The following PARPBP variants were observed in gnomAD, a reference collection of about 807,000 sequenced individuals.
PARPBP encodes the protein PARP1 binding protein, also known as PCNA-interacting partner.
Under a neutral mutation model 50.0 loss-of-function variants are expected in PARPBP, and 52 were observed. The observed-to-expected ratio is 1.04, with a 90% CI of 0.83 to 1.31. PARPBP has a LOEUF of 1.31. PARPBP is among the 50% of genes most tolerant of loss of function. PARPBP has a pLI of 0.00. For missense variants in PARPBP, 697 were observed against 672.0 expected (o/e 1.04, Z -0.41); for synonymous variants, 244 against 232.1 (o/e 1.05, Z -0.47).
At chr12:102,150,133 C>T (rs1351335766) in intron 3 of PARPBP, 2 of 420,882 alleles carry the variant, frequency 4.8e-6, no homozygotes, top group Admixed American at 5.2e-5. Context: ...GGGATACTCT[C>T]TCCAAATGTC....
intron 3 of PARPBP, chr12:102,151,576 A>G (rs1436624435): frequency 9.1e-6 from 14 of 1,535,414 alleles, no homozygotes; most frequent in Admixed American, 2.0e-5. Context: ...GCAGGGGTCA[A>G]CTATACAGCC....
chr12:102,145,574 G>T (rs1885230864), intron 2 of PARPBP, among the ~76,000 whole-genome samples: 1 of 152,162 alleles, frequency 6.6e-6, no homozygotes, highest in Admixed American at 6.5e-5. Context: ...AGATGTTGAA[G>T]AAGACTTTAA....
intron 2 of PARPBP, among the ~76,000 whole-genome samples, chr12:102,129,177 A>G (rs1200063218): frequency 6.6e-6 from 1 of 152,170 alleles, no homozygotes; most frequent in Non-Finnish European, 1.5e-5. Flanking sequence ...ATTTAGAGAC[A>G]GAGTCTCAAT....
chr12:102,185,915 A>G (rs983660147), intron 9 of PARPBP, among the ~76,000 whole-genome samples: 6 of 152,122 alleles, frequency 3.9e-5, no homozygotes, highest in East Asian at 1.9e-4. Flanking sequence ...CGGCCTCCCA[A>G]AGTGCTGGGA....
chr12:102,120,466 G>C (rs1465454778), intron 1 of PARPBP, 180 bp downstream of exon 1: 2 of 456,622 alleles, frequency 4.4e-6, no homozygotes, highest in Admixed American at 2.3e-5. Context: ...TGTAGGCGGA[G>C]TTCACAGTAT....
chr12:102,179,415 A>G (rs1193233117), intron 8 of PARPBP, among the ~76,000 whole-genome samples: 2 of 152,244 alleles, frequency 1.3e-5, no homozygotes, highest in African/African-American at 2.4e-5. Context: ...ACAAAATACT[A>G]CAGACTGGGT....
intron 5 of PARPBP, 97 bp from the exon 6 acceptor site, chr12:102,165,632 G>C (rs890759739): frequency 3.0e-5 from 29 of 958,222 alleles, no homozygotes; most frequent in Admixed American, 1.2e-4. Context: ...ACTTTTAACT[G>C]TATACCCAGA....
intron 2 of PARPBP, among the ~76,000 whole-genome samples, chr12:102,138,190 G>T (rs961416177): frequency 1.1e-4 from 17 of 152,062 alleles, no homozygotes; most frequent in African/African-American, 4.1e-4. Context: ...TTTTAATAAT[G>T]GCCATTCTAA....
intron 2 of PARPBP, among the ~76,000 whole-genome samples, chr12:102,134,395 C>A (rs1206777733): frequency 2.0e-5 from 3 of 152,080 alleles, no homozygotes; most frequent in Non-Finnish European, 1.5e-5. Context: ...TCTACCAAGA[C>A]TACATCATGA....
chr12:102,120,192 G>T lies in PARPBP; in HGVS notation c.-98G>T. 1 of 240,414 alleles carries T rather than the reference G, an allele frequency of 4.2e-6. No homozygotes were observed. Among genetic ancestry groups the T allele is most frequent in the Non-Finnish European group, 8.8e-6 (1 of 114,160 alleles). The allele number at this position is 240,414 out of a possible 1,614,324, so 14.9% of individuals were successfully genotyped here. On this transcript the variant is annotated 5_prime_UTR_variant, in exon 1 of 11. Transcript: ENST00000327680. The stretch of plus-strand genomic sequence containing the variant: ...CCGCGAGGTTTGAACTGTATTCAGC[G>T]GCGACAGCGGCGACTGCGGCGGCCG...
At chr12:102,187,806 G>A (rs533296301) in intron 9 of PARPBP, among the ~76,000 whole-genome samples, 4 of 152,224 alleles carry the variant, frequency 2.6e-5, no homozygotes, top group East Asian at 3.9e-4. Flanking sequence ...GATATAGTAC[G>A]TCATGGTAGA....
At chr12:102,162,173 T>A (rs1429222371) in intron 4 of PARPBP, among the ~76,000 whole-genome samples, 1 of 152,222 alleles carries the variant, frequency 6.6e-6, no homozygotes, top group Non-Finnish European at 1.5e-5. Context: ...GGATTTGTAA[T>A]TTTTTATTGC....
At chr12:102,187,991 T>G (rs1890456283) in intron 9 of PARPBP, among the ~76,000 whole-genome samples, 2 of 152,176 alleles carry the variant, frequency 1.3e-5, no homozygotes, top group South Asian at 4.1e-4. Flanking sequence ...TTCCCTGGGA[T>G]TTGTTGCTAC....
intron 2 of PARPBP, among the ~76,000 whole-genome samples, chr12:102,127,448 C>T (rs1208087130): frequency 1.3e-5 from 2 of 151,602 alleles, no homozygotes; most frequent in East Asian, 1.9e-4. Flanking sequence ...GAAGAGAGTG[C>T]CATTTTTTTA....
chr12:102,184,046 G>GAAAAAAAAAAAAAAAAAA (rs71438459), intron 9 of PARPBP, among the ~76,000 whole-genome samples: 10 of 59,944 alleles, frequency 1.7e-4, no homozygotes, highest in African/African-American at 2.9e-4. Context: ...GACTCTATCT[G>GAAAAAAAAAAAAAAAAAA]AAAAAAAAAA....
intron 2 of PARPBP, among the ~76,000 whole-genome samples, chr12:102,133,591 A>AT (rs1045139306): frequency 5.4e-5 from 8 of 149,492 alleles, no homozygotes; most frequent in South Asian, 2.1e-4. Flanking sequence ...TTGTCCTCTA[A>AT]TTTTTTTTTT....
intron 2 of PARPBP, among the ~76,000 whole-genome samples, chr12:102,145,228 A>G (rs1269824883): frequency 6.6e-6 from 1 of 152,140 alleles, no homozygotes; most frequent in Non-Finnish European, 1.5e-5. Flanking sequence ...TTTATATTGT[A>G]GTTTAGTTCT....
At chr12:102,154,044 C>G (rs761601630) in intron 4 of PARPBP, 68 bp downstream of exon 4, 1 of 953,154 alleles carries the variant, frequency 1.0e-6, no homozygotes, top group Non-Finnish European at 1.7e-6. Flanking sequence ...TTTGGTGGTA[C>G]CTTAAAGTTA....
intron 6 of PARPBP, among the ~76,000 whole-genome samples, chr12:102,168,170 CT>C (rs1303454184): frequency 6.6e-6 from 1 of 151,806 alleles, no homozygotes; most frequent in Non-Finnish European, 1.5e-5. Context: ...TTGTTTTTTG[CT>C]TTTTTGTCAT....
Sources: allele counts gnomAD v4.1 joint callset (sites outside exome capture counted in the v4.1 genomes callset), GRCh38; gene constraint gnomAD v4.1.1; transcripts MANE v1.5; gene names NCBI Gene and HGNC (gene_info 2026-07-23, HGNC 2026-07-21).